Variants in ASIC2 observed in about 807,000 individuals in gnomAD.
ASIC2 encodes acid sensing ion channel subunit 2.
In ASIC2, 25 loss-of-function variants were observed where a neutral mutation model predicts 57.3. The observed-to-expected ratio is 0.44, with a 90% CI of 0.32 to 0.61. The LOEUF is 0.61. ASIC2 is among the 20% of genes least tolerant of loss of function. The pLI is 0.06. For synonymous variants in ASIC2, 319 were observed against 307.5 expected (o/e 1.04, Z -0.39); for missense variants, 641 against 738.1 (o/e 0.87, Z 1.52).
chr17:33,534,874 G>A (rs1479744912), intron 1 of ASIC2, among the ~76,000 whole-genome samples: 1 of 152,170 alleles, frequency 6.6e-6, no homozygotes, highest in Non-Finnish European at 1.5e-5. Flanking sequence ...ATGTGAGGGG[G>A]GCTTATCTGG....
intron 1 of ASIC2, among the ~76,000 whole-genome samples, chr17:34,048,886 C>T (rs1908437460): frequency 6.6e-6 from 1 of 152,172 alleles, no homozygotes; most frequent in Non-Finnish European, 1.5e-5. Flanking sequence ...CTCTGCTTCT[C>T]TGTGAAAATT....
intron 1 of ASIC2, among the ~76,000 whole-genome samples, chr17:33,973,599 T>C (rs902558): frequency 0.93 from 142,320 of 152,266 alleles, 66,682 homozygotes; most frequent in Non-Finnish European, 0.97. Flanking sequence ...CGCAGCTCTC[T>C]CTCTACTCTG....
chr17:33,658,371 TAA>T (rs1357067795), intron 1 of ASIC2, among the ~76,000 whole-genome samples: 2 of 152,122 alleles, frequency 1.3e-5, no homozygotes, highest in Non-Finnish European at 2.9e-5. Flanking sequence ...GTGTGTGGTT[TAA>T]AAAAAGCCTT....
At chr17:33,998,829 A>ATATGTATTCTGCTACTGTCAGATGGAATG (rs1448308822) in intron 1 of ASIC2, among the ~76,000 whole-genome samples, 2 of 152,156 alleles carry the variant, frequency 1.3e-5, no homozygotes, top group Non-Finnish European at 2.9e-5. Context: ...CTTGAAAAGA[A>ATATGTATTCTGCTACTGTCAGATGGAATG]TATGTATTCT....
upstream of ASIC2, among the ~76,000 whole-genome samples, chr17:33,297,757 G>C (rs1378070176): frequency 2.0e-5 from 3 of 151,874 alleles, no homozygotes; most frequent in Non-Finnish European, 4.4e-5. Context: ...GCAAGGTCGA[G>C]ACTGCAGTGA....
At chr17:34,151,113 A>AT (rs1221370395) in intron 1 of ASIC2, among the ~76,000 whole-genome samples, 3 of 142,052 alleles carry the variant, frequency 2.1e-5, no homozygotes, top group South Asian at 2.4e-4. Flanking sequence ...AAGAAAAAAA[A>AT]AAAAAAAAAA....
rs78479767 is a variant in ASIC2 at position 33,568,933 on chromosome 17, C to T, written c.556-456866G>A. On this transcript the variant is annotated intron_variant, in intron 1 of 9. Coordinates refer to the ASIC2 transcript ENST00000359872. ...GTCAATGGGAGCTTGATTTATATCA[C>T]GAAAGGCAGATGGCAGGCTCATTTC... is the stretch of plus-strand genomic sequence containing the variant. Among the ~76,000 whole-genome samples, 1,120 of 152,274 alleles carry T rather than the reference C, an allele frequency of 7.4e-3. 10 individuals carry two copies. Among genetic ancestry groups the T allele is most frequent in the Admixed American group, 0.021 (314 of 15,298 alleles).
chr17:33,817,939 G>T (rs549278288), intron 1 of ASIC2, among the ~76,000 whole-genome samples: 1 of 152,186 alleles, frequency 6.6e-6, no homozygotes, highest in Admixed American at 6.5e-5. Flanking sequence ...CCTCAACATG[G>T]TCTATACAGC....
intron 3 of ASIC2, among the ~76,000 whole-genome samples, chr17:33,059,474 A>T (rs147500413): frequency 0.012 from 1,836 of 152,294 alleles, 11 homozygotes; most frequent in Middle Eastern, 0.02. Flanking sequence ...CCATGTCCCC[A>T]CAAAAGACAT....
intron 1 of ASIC2, among the ~76,000 whole-genome samples, chr17:33,358,868 G>A (rs1908489771): frequency 1.3e-5 from 2 of 152,186 alleles, no homozygotes; most frequent in African/African-American, 4.8e-5. Context: ...AGTAGAAGAG[G>A]TAAAAATTTC....
chr17:33,237,046 A>G (rs1415582461), intron 1 of ASIC2, among the ~76,000 whole-genome samples: 1 of 152,154 alleles, frequency 6.6e-6, no homozygotes, highest in Admixed American at 6.5e-5. Flanking sequence ...TGATGCAGGG[A>G]CATGTGAGTG....
intron 1 of ASIC2, among the ~76,000 whole-genome samples, chr17:33,901,925 C>G (rs905504508): frequency 1.3e-5 from 2 of 152,126 alleles, no homozygotes; most frequent in Non-Finnish European, 2.9e-5. Flanking sequence ...ACTCCATTGA[C>G]AGGTATGGTA....
intron 1 of ASIC2, among the ~76,000 whole-genome samples, chr17:34,080,258 G>A (rs911043040): frequency 6.6e-6 from 1 of 152,138 alleles, no homozygotes; most frequent in African/African-American, 2.4e-5. Context: ...ACAACTCCAG[G>A]GAGCACCTTC....
intron 1 of ASIC2, among the ~76,000 whole-genome samples, chr17:33,133,990 C>T (rs577650124): frequency 9.9e-5 from 15 of 152,226 alleles, no homozygotes; most frequent in Admixed American, 4.6e-4. Flanking sequence ...GAGAAAGGAC[C>T]GCAGCTTCTG....
intron 1 of ASIC2, among the ~76,000 whole-genome samples, chr17:33,577,602 C>A (rs946616213): frequency 5.9e-5 from 9 of 152,186 alleles, no homozygotes; most frequent in African/African-American, 2.2e-4. Context: ...CTGGAATGAG[C>A]ATTCTTACCA....
At chr17:33,877,149 A>G (rs1461097775) in intron 1 of ASIC2, among the ~76,000 whole-genome samples, 2 of 152,232 alleles carry the variant, frequency 1.3e-5, no homozygotes, top group Non-Finnish European at 2.9e-5. Flanking sequence ...GGTGGAGCCA[A>G]GATGGCCGAA....
chr17:33,336,143 T>C (rs1363962614), intron 1 of ASIC2, among the ~76,000 whole-genome samples: 1 of 151,972 alleles, frequency 6.6e-6, no homozygotes, highest in Admixed American at 6.6e-5. Context: ...GGACTTTGGA[T>C]GCTCCCCTCA....
intron 1 of ASIC2, among the ~76,000 whole-genome samples, chr17:33,436,556 C>T (rs1911615529): frequency 6.6e-6 from 1 of 152,136 alleles, no homozygotes; most frequent in Admixed American, 6.5e-5. Context: ...TTTCCACACC[C>T]CAATGATTTC....
At chr17:33,252,179 C>T (rs1908907797) in intron 1 of ASIC2, among the ~76,000 whole-genome samples, 1 of 152,174 alleles carries the variant, frequency 6.6e-6, no homozygotes, top group African/African-American at 2.4e-5. Flanking sequence ...ATGTCCCACC[C>T]TCTTTAGGAG....
Sources: gnomAD v4.1 joint callset for allele counts (sites outside exome capture counted in the v4.1 genomes callset) on GRCh38, gnomAD v4.1.1 for gene constraint, MANE v1.5 for transcripts, NCBI Gene and HGNC (gene_info 2026-07-23, HGNC 2026-07-21) for gene names.